The following RBM47 variants were observed in gnomAD, a reference collection of about 807,000 sequenced individuals.
RBM47 encodes the protein RNA-binding protein 47.
RBM47 carries 21 observed loss-of-function variants against 47.1 expected under a neutral mutation model. That is an observed-to-expected ratio of 0.45 (90% CI 0.32 to 0.64). The LOEUF (loss-of-function observed/expected upper bound fraction) is 0.64. RBM47 is among the 30% of genes least tolerant of loss of function. The probability of loss-of-function intolerance (pLI) is 0.05; values close to 1 mark genes in which losing one functional copy is unlikely to be tolerated. For synonymous variants in RBM47, 375 were observed against 361.7 expected, an observed-to-expected ratio of 1.04 and a Z score of -0.42; for missense variants, 708 against 870.9, an observed-to-expected ratio of 0.81 and a Z score of 2.35.
intron 2 of RBM47, among the ~76,000 whole-genome samples, chr4:40,541,080 G>A (rs769491988): frequency 6.6e-6 from 1 of 151,898 alleles, no homozygotes; most frequent in South Asian, 2.1e-4. Context: ...CTTGAGCCCA[G>A]GAGTTCAAGA....
intron 2 of RBM47, chr4:40,515,869 T>G (rs184181436): frequency 5.3e-5 from 8 of 152,358 alleles, no homozygotes; most frequent in African/African-American, 1.9e-4. Flanking sequence ...TCTCCTACCT[T>G]ATGTGGATGG....
At chr4:40,533,371 T>G (rs1577901728) in intron 2 of RBM47, among the ~76,000 whole-genome samples, 1 of 150,904 alleles carries the variant, frequency 6.6e-6, no homozygotes, top group African/African-American at 2.4e-5. Context: ...GAGGCAGAAG[T>G]TGCAGTGAGC....
intron 3 of RBM47, among the ~76,000 whole-genome samples, chr4:40,452,061 T>G (rs1232666827): frequency 1.3e-5 from 2 of 151,886 alleles, no homozygotes; most frequent in Non-Finnish European, 2.9e-5. Flanking sequence ...TCTCAGCTAC[T>G]TGGGAGGGTG....
chr4:40,621,858 A>C (rs1737296485), intron 1 of RBM47, among the ~76,000 whole-genome samples: 1 of 152,228 alleles, frequency 6.6e-6, no homozygotes, highest in Non-Finnish European at 1.5e-5. Flanking sequence ...CGACATCCCC[A>C]CATTTGGCCC....
chr4:40,515,753 G>A (rs1469245785), intron 2 of RBM47: 2 of 152,202 alleles, frequency 1.3e-5, no homozygotes, highest in African/African-American at 4.8e-5. Context: ...AAACACAGAA[G>A]TTATTTCCAA....
At chr4:40,448,004 C>T (rs1364291874) in intron 3 of RBM47, among the ~76,000 whole-genome samples, 2 of 151,794 alleles carry the variant, frequency 1.3e-5, no homozygotes, top group Non-Finnish European at 2.9e-5. Context: ...AAGAGAGACT[C>T]CGTCTCAAAA....
intron 1 of RBM47, among the ~76,000 whole-genome samples, chr4:40,578,242 A>G (rs1406597884): frequency 6.6e-6 from 1 of 152,062 alleles, no homozygotes; most frequent in Non-Finnish European, 1.5e-5. Flanking sequence ...ATCTGATGTT[A>G]TTTTTCTGTT....
At chr4:40,497,054 A>AG (rs1553890448) in intron 2 of RBM47, among the ~76,000 whole-genome samples, 18 of 150,124 alleles carry the variant, frequency 1.2e-4, no homozygotes, top group East Asian at 5.8e-4. Flanking sequence ...AAAAAAAAAA[A>AG]AAAGAAAGAA....
chr4:40,449,474 T>A (rs769468205), intron 3 of RBM47, among the ~76,000 whole-genome samples: 9 of 152,214 alleles, frequency 5.9e-5, no homozygotes, highest in Non-Finnish European at 1.3e-4. Flanking sequence ...TTGTGTATGA[T>A]AAACAGATGC....
chr4:40,426,147 A>G lies in RBM47; in HGVS notation c.1543-4T>C. 1.2e-6 allele frequency: 2 copies of G among 1,612,888 alleles called. No homozygotes were observed. The highest frequency in any genetic ancestry group is 1.7e-6 in the Non-Finnish European group (2 of 1,179,220). On this transcript the variant is annotated splice_region_variant and splice_polypyrimidine_tract_variant and intron_variant, in intron 6 of 6. Coordinates refer to ENST00000295971, the MANE Select transcript of RBM47 (RefSeq NM_001098634.2). ...ATACTGGAGTTATTGGGCGGCCCTG[A>G]GGAGAAGAGACAAAAAGGAGCCTTC... is the stretch of plus-strand genomic sequence containing the variant.
intron 2 of RBM47, among the ~76,000 whole-genome samples, chr4:40,498,078 A>G (rs1228314208): frequency 7.2e-6 from 1 of 138,962 alleles, no homozygotes; most frequent in Non-Finnish European, 1.6e-5. Context: ...ATATATATAT[A>G]TGTTTATCTA....
intron 6 of RBM47, among the ~76,000 whole-genome samples, chr4:40,428,949 T>C (rs989790827): frequency 2.0e-5 from 3 of 152,176 alleles, no homozygotes; most frequent in Non-Finnish European, 4.4e-5. Flanking sequence ...ATGGTTTCAG[T>C]TACCCGCGGT....
chr4:40,563,141 A>T (rs1354473308), intron 1 of RBM47, among the ~76,000 whole-genome samples: 2 of 152,230 alleles, frequency 1.3e-5, no homozygotes, highest in African/African-American at 4.8e-5. Context: ...CAGTGAGCCG[A>T]GATGGCGCCA....
At chr4:40,442,322 A>G (rs529840035) in intron 3 of RBM47, among the ~76,000 whole-genome samples, 100 of 152,338 alleles carry the variant, frequency 6.6e-4, no homozygotes, top group Middle Eastern at 6.8e-3. Flanking sequence ...ATGAGATACT[A>G]CTTCACACTC....
chr4:40,581,564 T>C (rs1358405833), intron 1 of RBM47, among the ~76,000 whole-genome samples: 1 of 150,864 alleles, frequency 6.6e-6, no homozygotes, highest in Non-Finnish European at 1.5e-5. Context: ...TTTGGTTTCT[T>C]GGAGGAAGAC....
intron 1 of RBM47, among the ~76,000 whole-genome samples, chr4:40,558,826 T>TAAAAAAAAA (rs573205780): frequency 7.7e-6 from 1 of 129,806 alleles, no homozygotes; most frequent in Non-Finnish European, 1.7e-5. Context: ...AAACTCTGTC[T>TAAAAAAAAA]AAAAAAAAAA....
At chr4:40,530,666 T>C (rs550309044) in intron 2 of RBM47, among the ~76,000 whole-genome samples, 1 of 152,244 alleles carries the variant, frequency 6.6e-6, no homozygotes. Context: ...GTACTGGACA[T>C]CACAGGTCTA....
At chr4:40,615,877 T>A (rs888770542) in intron 1 of RBM47, among the ~76,000 whole-genome samples, 1 of 152,186 alleles carries the variant, frequency 6.6e-6, no homozygotes, top group Non-Finnish European at 1.5e-5. Flanking sequence ...AACCACACCA[T>A]CTGTGGCTCA....
At chr4:40,512,900 A>C (rs1237633880) in intron 2 of RBM47, among the ~76,000 whole-genome samples, 1 of 152,202 alleles carries the variant, frequency 6.6e-6, no homozygotes, top group Non-Finnish European at 1.5e-5. Context: ...AGGCAATTAG[A>C]TACAGTAAGT....
Sources: allele counts gnomAD v4.1 joint callset (sites outside exome capture counted in the v4.1 genomes callset), GRCh38; gene constraint gnomAD v4.1.1; transcripts MANE v1.5; gene names NCBI Gene and HGNC (gene_info 2026-07-23, HGNC 2026-07-21).